ALPK1: variants seen among roughly 807,000 people sequenced by gnomAD.
The protein encoded by ALPK1 is alpha kinase 1, also known as alpha-protein kinase 1.
A neutral mutation model predicts 120.6 loss-of-function variants in ALPK1; 110 were observed. That is an observed-to-expected ratio of 0.91 (90% CI 0.78 to 1.07). ALPK1 has a LOEUF of 1.07. ALPK1 is among the 50% of genes least tolerant of loss of function. ALPK1 has a pLI of 0.00. For synonymous variants in ALPK1, 582 were observed against 560.3 expected (o/e 1.04, Z -0.55); for missense variants, 1,498 against 1,483.9 (o/e 1.01, Z -0.16).
intron 4 of ALPK1, among the ~76,000 whole-genome samples, chr4:112,390,078 C>G (rs1732337010): frequency 6.6e-6 from 1 of 152,214 alleles, no homozygotes; most frequent in Non-Finnish European, 1.5e-5. Context: ...TTTGTGCAAA[C>G]TACAACTCTA....
At chr4:112,340,512 C>A (rs2158184) in intron 2 of ALPK1, among the ~76,000 whole-genome samples, 101,493 of 152,084 alleles carry the variant, frequency 0.67, 34,355 homozygotes, top group East Asian at 0.89. Context: ...ACTCAAAAAT[C>A]TCTTACTAGA....
In ALPK1 at chr4:112,441,494, A is replaced by G. The variant is rs1735039789; in HGVS notation, c.*284A>G. On this transcript the variant is annotated 3_prime_UTR_variant, in exon 16 of 16. Transcript: ENST00000650871. ...GAGAAAGGCATGTGTTGTTTAAGCC[A>G]TTGAGATTTTAGAGCTTTTTGTCAC... is the stretch of plus-strand genomic sequence containing the variant. 1 of 434,352 alleles carries G rather than the reference A, an allele frequency of 2.3e-6. No individual in the cohort carries two copies. Among genetic ancestry groups the G allele is most frequent in the Non-Finnish European group, 4.1e-6 (1 of 243,134 alleles). The allele number at this position is 434,352 out of a possible 1,614,324, so 26.9% of individuals were successfully genotyped here. A position where few individuals can be genotyped will look rare whatever the true frequency, so the allele number is the denominator to read the frequency against.
At chr4:112,369,313 A>G (rs141395091) in intron 2 of ALPK1, among the ~76,000 whole-genome samples, 3 of 152,132 alleles carry the variant, frequency 2.0e-5, no homozygotes, top group Non-Finnish European at 4.4e-5. Context: ...CTCTTTCTCC[A>G]TTTGTTTCCC....
chr4:112,332,245 T>C (rs567820390), intron 2 of ALPK1, among the ~76,000 whole-genome samples: 1 of 152,312 alleles, frequency 6.6e-6, no homozygotes, highest in Non-Finnish European at 1.5e-5. Context: ...GAAGGAAGAA[T>C]ACCAGTTAAT....
chr4:112,421,864 T>C (rs971993688), intron 5 of ALPK1, among the ~76,000 whole-genome samples: 7 of 152,218 alleles, frequency 4.6e-5, no homozygotes, highest in African/African-American at 1.4e-4. Flanking sequence ...TTAGCAACTT[T>C]GGCATATGAA....
chr4:112,356,095 C>T (rs1234836701), intron 2 of ALPK1: 1 of 1,188,590 alleles, frequency 8.4e-7, no homozygotes, highest in South Asian at 1.2e-5. Flanking sequence ...AATAGCCTGC[C>T]CCTCAGCCAC....
chr4:112,326,006 G>A (rs978707441), intron 2 of ALPK1, among the ~76,000 whole-genome samples: 1 of 152,098 alleles, frequency 6.6e-6, no homozygotes, highest in Admixed American at 6.5e-5. Flanking sequence ...CTCTGGCTGA[G>A]CCATCAAAGC....
chr4:112,424,116 A>AGC, intron 6 of ALPK1, 113 bp downstream of exon 6: 4 of 998,604 alleles, frequency 4.0e-6, no homozygotes, highest in Non-Finnish European at 5.8e-6. Context: ...TTCCAGAGCT[A>AGC]TCTGGGGCTG....
intron 4 of ALPK1, among the ~76,000 whole-genome samples, chr4:112,389,047 CTTT>C (rs36062437): frequency 2.2e-5 from 3 of 138,022 alleles, no homozygotes; most frequent in Non-Finnish European, 3.1e-5. Context: ...GCCATGCTGG[CTTT>C]TTTTTTTTTT....
rs558660927 is a variant in ALPK1, at chr4:112,416,745, A to G, written c.475+4720A>G. ...AACAAAATCAACCAGGTGTGGTGAC[A>G]TGTAGCTGTAGTCTCAGCTACTCCA... On this transcript the variant is annotated intron_variant, in intron 5 of 15. Coordinates refer to ENST00000650871, the MANE Select transcript of ALPK1 (RefSeq NM_025144.4). 4.0e-4 allele frequency among the ~76,000 whole-genome samples: 61 copies of G among 152,130 alleles called. No individual in the cohort carries two copies. The South Asian group carries it at 0.012, about 31-fold the overall frequency.
Position 112,432,575 on chromosome 4 carries a change from G to C in ALPK1, c.3028G>C (p.Ala1010Pro). 5 of 1,611,296 alleles carry C rather than the reference G, an allele frequency of 3.1e-6. No individual in the cohort carries two copies. The highest frequency in any genetic ancestry group is 4.2e-6 in the Non-Finnish European group (5 of 1,179,628). The change falls in exon 11 of 16, where the codon GCA becomes CCA. Residue 1010 changes from alanine to proline, a missense_variant. Physicochemically the swap from Ala to Pro is conservative, Grantham distance 27. Coordinates refer to ENST00000650871, the MANE Select transcript of ALPK1 (RefSeq NM_025144.4). ...GVFKPSQLHR[A>P]HSALLLKYSK... The stretch of plus-strand genomic sequence containing the variant: ...TTTTAAGCCCAGTCAACTCCACCGA[G>C]CACATAGTAAGTACAATCTTTTCAA...
chr4:112,327,015 T>TTCC, intron 2 of ALPK1, among the ~76,000 whole-genome samples: 1 of 152,352 alleles, frequency 6.6e-6, no homozygotes, highest in South Asian at 2.1e-4. Flanking sequence ...GGGTCATTCT[T>TTCC]TCCTACTCAG....
chr4:112,344,652 T>C (rs963035193), intron 2 of ALPK1, among the ~76,000 whole-genome samples: 1 of 152,200 alleles, frequency 6.6e-6, no homozygotes, highest in African/African-American at 2.4e-5. Context: ...TTAAAAGCAT[T>C]CATGGGGTCA....
intron 1 of ALPK1, among the ~76,000 whole-genome samples, chr4:112,304,018 C>G (rs1018093556): frequency 6.6e-6 from 1 of 151,886 alleles, no homozygotes; most frequent in African/African-American, 2.4e-5. Flanking sequence ...TTTGTCCTTG[C>G]GATAGTTTGC....
At chr4:112,398,551 G>A (rs1002411007) in intron 4 of ALPK1, among the ~76,000 whole-genome samples, 8 of 152,038 alleles carry the variant, frequency 5.3e-5, no homozygotes, top group South Asian at 2.1e-4. Context: ...CTCCTGCCTC[G>A]GCTTCCCAAA....
At chr4:112,429,725 A>G (rs1328531639) in intron 10 of ALPK1, among the ~76,000 whole-genome samples, 1 of 151,752 alleles carries the variant, frequency 6.6e-6, no homozygotes, top group Non-Finnish European at 1.5e-5. Flanking sequence ...CTATAGTCCC[A>G]GGTACTGGGG....
chr4:112,388,040 G>T (rs1423604827), intron 4 of ALPK1, among the ~76,000 whole-genome samples: 1 of 152,150 alleles, frequency 6.6e-6, no homozygotes, highest in African/African-American at 2.4e-5. Flanking sequence ...TTGGTTTTCT[G>T]TTCCTGTGTT....
intron 4 of ALPK1, chr4:112,384,417 A>C (rs1321307304): frequency 6.6e-6 from 1 of 152,256 alleles, no homozygotes; most frequent in African/African-American, 2.4e-5. Context: ...AATGTGGTGA[A>C]TGGGACCGAA....
At chr4:112,302,501 TC>T (rs1309834142) in intron 1 of ALPK1, 2 of 152,426 alleles carry the variant, frequency 1.3e-5, no homozygotes. Context: ...TCCATCAACT[TC>T]CTTCCTCCCC....
Sources: gnomAD v4.1 joint callset for allele counts (sites outside exome capture counted in the v4.1 genomes callset) on GRCh38, gnomAD v4.1.1 for gene constraint, MANE v1.5 for transcripts, NCBI Gene and HGNC (gene_info 2026-07-23, HGNC 2026-07-21) for gene names.